The following PAM variants were observed in gnomAD, a reference collection of about 807,000 sequenced individuals.
PAM encodes peptidyl-glycine alpha-amidating monooxygenase.
A neutral mutation model predicts 122.1 loss-of-function variants in PAM; 72 were observed. That is an observed-to-expected ratio of 0.59 (90% CI 0.49 to 0.72). The LOEUF (loss-of-function observed/expected upper bound fraction) is 0.72. Ranked by LOEUF, PAM falls within the 30% of genes least tolerant of loss-of-function variation. The pLI is 0.00. For missense variants in PAM, 1,106 were observed against 1,183.7 expected, an observed-to-expected ratio of 0.93 and a Z score of 0.96; for synonymous variants, 389 against 404.4, an observed-to-expected ratio of 0.96 and a Z score of 0.46.
chr5:102,874,478 TAA>T (rs993298634), intron 3 of PAM, among the ~76,000 whole-genome samples: 5 of 127,954 alleles, frequency 3.9e-5, no homozygotes, highest in African/African-American at 2.2e-4. Flanking sequence ...TGTTTTTTTT[TAA>T]TAATAGAAAC....
intron 16 of PAM, among the ~76,000 whole-genome samples, chr5:102,998,852 T>A (rs149287726): frequency 6.8e-4 from 104 of 152,324 alleles, no homozygotes; most frequent in African/African-American, 2.4e-3. Context: ...TGTTTCTGAA[T>A]AATGAGGAAT....
At chr5:102,939,027 T>C (rs1337870179) in intron 7 of PAM, among the ~76,000 whole-genome samples, 1 of 152,140 alleles carries the variant, frequency 6.6e-6, no homozygotes, top group Non-Finnish European at 1.5e-5. Flanking sequence ...TTCTTTTATG[T>C]TAATTGACTG....
At chr5:103,018,931 G>A (rs563939325) in intron 22 of PAM, among the ~76,000 whole-genome samples, 5 of 152,116 alleles carry the variant, frequency 3.3e-5, no homozygotes, top group South Asian at 2.1e-4. Flanking sequence ...CCTTGCATGC[G>A]CAGTTCACAA....
At chr5:102,967,285 T>C (rs1412570068) in intron 14 of PAM, among the ~76,000 whole-genome samples, 1 of 152,194 alleles carries the variant, frequency 6.6e-6, no homozygotes, top group Non-Finnish European at 1.5e-5. Flanking sequence ...TAGCTGCTAC[T>C]ATAGTTGTGT....
intron 3 of PAM, among the ~76,000 whole-genome samples, chr5:102,900,680 G>T (rs1321574729): frequency 1.3e-5 from 2 of 151,554 alleles, no homozygotes; most frequent in Non-Finnish European, 3.0e-5. Context: ...ATACTTTATT[G>T]TGTATGGATT....
intron 5 of PAM, among the ~76,000 whole-genome samples, chr5:102,915,835 G>A (rs1277948470): frequency 6.6e-6 from 1 of 152,038 alleles, no homozygotes; most frequent in African/African-American, 2.4e-5. Context: ...TTGTTCTCAT[G>A]TTAAGGGAAT....
At chr5:102,762,529 T>G (rs1272462104) in intron 1 of PAM, among the ~76,000 whole-genome samples, 1 of 152,190 alleles carries the variant, frequency 6.6e-6, no homozygotes, top group South Asian at 2.1e-4. Context: ...TTAGATTTTT[T>G]TTTTCATGCT....
At chr5:102,925,208 G>T (rs189786472) in intron 6 of PAM, among the ~76,000 whole-genome samples, 166 bp downstream of exon 6, 1 of 152,164 alleles carries the variant, frequency 6.6e-6, no homozygotes, top group Non-Finnish European at 1.5e-5. Context: ...GTTTCATTTA[G>T]GTAGTTACTC....
In PAM at chr5:102,961,038, A is replaced by G. The variant is rs967756535; in HGVS notation, c.1091-120A>G. 3.9e-5 allele frequency: 19 copies of G among 484,464 alleles called. No homozygotes were observed. In the Middle Eastern group the frequency reaches 1.0e-3, roughly 26 times the overall value. 30.0% of individuals were successfully genotyped at this position (484,464 alleles called of 1,614,324 possible). ...CATTTCTGTCTTATAAATTCTTAATACGGTAATAAGCACAAGACCCTGAAT... is the reference window on the plus strand; with the variant it reads ...CATTTCTGTCTTATAAATTCTTAATGCGGTAATAAGCACAAGACCCTGAAT... On this transcript the variant is annotated intron_variant, in intron 13 of 25. Transcript: ENST00000438793.
chr5:102,861,742 G>A (rs1434990346), intron 1 of PAM, among the ~76,000 whole-genome samples: 1 of 152,164 alleles, frequency 6.6e-6, no homozygotes, highest in Non-Finnish European at 1.5e-5. Context: ...AAAGTGTTTA[G>A]GGATGATGGA....
At chr5:102,821,470 G>A (rs1373339116) in intron 1 of PAM, among the ~76,000 whole-genome samples, 1 of 152,004 alleles carries the variant, frequency 6.6e-6, no homozygotes, top group Non-Finnish European at 1.5e-5. Context: ...TTTATTTTGT[G>A]TTGACATTTT....
At chr5:102,786,352 G>C (rs1760528752) in intron 1 of PAM, among the ~76,000 whole-genome samples, 1 of 152,186 alleles carries the variant, frequency 6.6e-6, no homozygotes, top group African/African-American at 2.4e-5. Context: ...TGTAAGCATT[G>C]AATGAGTTAA....
chr5:102,963,484 T>C (rs1466688063), intron 14 of PAM, among the ~76,000 whole-genome samples: 2 of 152,030 alleles, frequency 1.3e-5, no homozygotes, highest in African/African-American at 4.8e-5. Context: ...ACTTCACTTA[T>C]CACTTTATTT....
chr5:102,812,676 A>G (rs1768315707), intron 1 of PAM, among the ~76,000 whole-genome samples: 1 of 152,092 alleles, frequency 6.6e-6, no homozygotes, highest in Non-Finnish European at 1.5e-5. Context: ...TTAGGATTCT[A>G]TGTTTAAAAA....
intron 16 of PAM, among the ~76,000 whole-genome samples, chr5:102,998,122 A>G (rs1351956157): frequency 6.6e-6 from 1 of 152,242 alleles, no homozygotes; most frequent in African/African-American, 2.4e-5. Context: ...AGTTCAGTGT[A>G]TGCTCCTGGA....
At chr5:102,833,616 C>G (rs969783954) in intron 1 of PAM, among the ~76,000 whole-genome samples, 6 of 152,126 alleles carry the variant, frequency 3.9e-5, no homozygotes, top group Non-Finnish European at 7.4e-5. Context: ...AATCCTGAAA[C>G]AGCTACTGTA....
At chr5:102,985,318 C>T (rs934884092) in intron 15 of PAM, among the ~76,000 whole-genome samples, 2 of 151,622 alleles carry the variant, frequency 1.3e-5, no homozygotes, top group Non-Finnish European at 2.9e-5. Context: ...AAACTGCTAG[C>T]TAGACTAACC....
chr5:102,970,311 C>T (rs901166456), intron 14 of PAM, among the ~76,000 whole-genome samples: 1 of 152,132 alleles, frequency 6.6e-6, no homozygotes, highest in African/African-American at 2.4e-5. Context: ...GGTGCACTAG[C>T]CATTTACAAA....
chr5:102,852,570 T>G (rs948257719), intron 1 of PAM, among the ~76,000 whole-genome samples: 32 of 152,144 alleles, frequency 2.1e-4, no homozygotes, highest in African/African-American at 7.5e-4. Context: ...CGCACCAGGA[T>G]CAAAGAAGTT....
Sources: gnomAD v4.1 joint callset for allele counts (sites outside exome capture counted in the v4.1 genomes callset) on GRCh38, gnomAD v4.1.1 for gene constraint, MANE v1.5 for transcripts, NCBI Gene and HGNC (gene_info 2026-07-23, HGNC 2026-07-21) for gene names.